The following TMEM98 variants were observed in gnomAD, a reference collection of about 807,000 sequenced individuals.
TMEM98 encodes transmembrane protein 98.
Under a neutral mutation model 25.0 loss-of-function variants are expected in TMEM98, and 18 were observed. The ratio of observed to expected loss-of-function variants is 0.72; its 90% CI spans 0.50 to 1.07. The LOEUF is 1.07. TMEM98 is among the 50% of genes least tolerant of loss of function. TMEM98 has a pLI of 0.00. For missense variants in TMEM98, 241 were observed against 289.0 expected (o/e 0.83, Z 1.20); for synonymous variants, 103 against 112.4 (o/e 0.92, Z 0.53).
chr17:32,936,221 T>A (rs192406760), intron 5 of TMEM98, 111 bp from the exon 6 acceptor site: 70,723 of 803,042 alleles, frequency 0.088, 3,611 homozygotes, highest in Non-Finnish European at 0.093. Context: ...GCCATTAGGT[T>A]GGGGGCCAGC....
intron 6 of TMEM98, among the ~76,000 whole-genome samples, chr17:32,938,648 A>G (rs2091510639): frequency 6.6e-6 from 1 of 152,178 alleles, no homozygotes; most frequent in South Asian, 2.1e-4. Flanking sequence ...GGTGTCTTAC[A>G]TACCTTTAGC....
chr17:32,931,713 A>G, intron 3 of TMEM98, 54 bp downstream of exon 3: 1 of 1,568,630 alleles, frequency 6.4e-7, no homozygotes. Flanking sequence ...CTAAAGAAAA[A>G]GAGAGGAACA....
At chr17:32,928,994 ACT>A (rs1208033578) in intron 1 of TMEM98, among the ~76,000 whole-genome samples, 1 of 151,286 alleles carries the variant, frequency 6.6e-6, no homozygotes, top group South Asian at 2.1e-4. Flanking sequence ...AACAGTTCAC[ACT>A]CGCTCAGAAG....
intron 4 of TMEM98, 22 bp downstream of exon 4, chr17:32,933,327 G>C (rs1052475872): frequency 4.3e-6 from 7 of 1,613,644 alleles, no homozygotes; most frequent in Non-Finnish European, 5.9e-6. Flanking sequence ...GGAACTGTTT[G>C]CTTCCGGGCT....
chr17:32,933,422 C>T, intron 4 of TMEM98, 117 bp downstream of exon 4: 4 of 1,391,614 alleles, frequency 2.9e-6, no homozygotes, highest in Non-Finnish European at 4.0e-6. Flanking sequence ...ACTTGCTGCT[C>T]TTTCCTGTGC....
At chr17:32,939,107 A>G (rs2091513223) in intron 6 of TMEM98, among the ~76,000 whole-genome samples, 1 of 152,162 alleles carries the variant, frequency 6.6e-6, no homozygotes, top group Admixed American at 6.5e-5. Context: ...TGGAATAAAG[A>G]TAGAAAGGAA....
At chr17:32,936,479 C>A (rs763502643) in intron 6 of TMEM98, 32 bp downstream of exon 6, 3 of 1,584,754 alleles carry the variant, frequency 1.9e-6, no homozygotes, top group Admixed American at 1.7e-5. Flanking sequence ...GGTCCCCACA[C>A]TCCCTGAGGG....
chr17:32,929,308 TCAGCTCACA>T (rs2091453158), intron 1 of TMEM98, among the ~76,000 whole-genome samples: 1 of 151,028 alleles, frequency 6.6e-6, no homozygotes, highest in Non-Finnish European at 1.5e-5. Context: ...AGAAGCACAC[TCAGCTCACA>T]CACACCCAGA....
At position 32,943,590 on chromosome 17, in the gene TMEM98, G is replaced by A. The variant is rs548758362; in HGVS notation, c.*2597G>A. On this transcript the variant is annotated 3_prime_UTR_variant, in exon 8 of 8. Transcript: ENST00000579849. ...CTTGGAGATAGAGATTCAATGTGAAGAGAACAAGATATTTGAAGTCAGAAT... is the reference window on the plus strand; with the variant it reads ...CTTGGAGATAGAGATTCAATGTGAAAAGAACAAGATATTTGAAGTCAGAAT... 1 of 152,332 alleles carries A rather than the reference G, an allele frequency of 6.6e-6. No homozygotes were observed. The highest frequency in any genetic ancestry group is 2.1e-4 in the South Asian group (1 of 4,830). 9.4% of individuals were successfully genotyped at this position (152,332 alleles called of 1,614,324 possible). A position where few individuals can be genotyped will look rare whatever the true frequency, so the allele number is the denominator to read the frequency against.
chr17:32,937,307 T>A (rs1158080205), intron 6 of TMEM98, among the ~76,000 whole-genome samples: 2 of 152,092 alleles, frequency 1.3e-5, no homozygotes, highest in Non-Finnish European at 2.9e-5. Flanking sequence ...CAGCCCTTTC[T>A]CTGCCTCAAG....
intron 3 of TMEM98, among the ~76,000 whole-genome samples, chr17:32,932,201 A>C (rs992622640): frequency 6.6e-6 from 1 of 151,352 alleles, no homozygotes; most frequent in African/African-American, 2.4e-5. Context: ...CCCGGGTTCA[A>C]GTGATTCTCC....
chr17:32,939,840 T>G (rs986698482), intron 7 of TMEM98, among the ~76,000 whole-genome samples: 3 of 152,118 alleles, frequency 2.0e-5, no homozygotes, highest in African/African-American at 7.2e-5. Context: ...CCTTTCCCCC[T>G]CTGATTTTTG....
chr17:32,935,503 G>A (rs890739619), intron 5 of TMEM98, among the ~76,000 whole-genome samples: 5 of 152,120 alleles, frequency 3.3e-5, no homozygotes, highest in African/African-American at 7.2e-5. Context: ...AAAGGAGAGG[G>A]CTTCTAAGTC....
At chr17:32,938,834 T>G (rs1176320827) in intron 6 of TMEM98, among the ~76,000 whole-genome samples, 1 of 152,246 alleles carries the variant, frequency 6.6e-6, no homozygotes, top group African/African-American at 2.4e-5. Flanking sequence ...CTTTTGTTTA[T>G]CTATTTTTAT....
chr17:32,936,818 C>T (rs1156493180), intron 6 of TMEM98, among the ~76,000 whole-genome samples: 1 of 152,224 alleles, frequency 6.6e-6, no homozygotes, highest in African/African-American at 2.4e-5. Context: ...CACAGATGCC[C>T]ACACCCCTGT....
In TMEM98 at chr17:32,931,395, TC is replaced by T; in HGVS notation, c.-60del. On this transcript the variant is annotated 5_prime_UTR_variant, in exon 2 of 8. Coordinates refer to ENST00000579849, the MANE Select transcript of TMEM98 (RefSeq NM_015544.3). ...CCATCCTCTTCCCCAATTTGCCACT[TC>T]CAGCAGGTAAGACCCACCTGTCCCA... The T allele has an allele frequency of 7.7e-7, 1 of 1,292,682 alleles. No homozygotes were observed. Among genetic ancestry groups the T allele is most frequent in the South Asian group, 1.6e-5 (1 of 63,774 alleles). The allele number at this position is 1,292,682 out of a possible 1,614,324, so 80.1% of individuals were successfully genotyped here.
intron 3 of TMEM98, 42 bp downstream of exon 3, chr17:32,931,701 A>T: frequency 1.3e-6 from 2 of 1,581,760 alleles, no homozygotes; most frequent in Non-Finnish European, 1.7e-6. Context: ...GGTGGGCTCT[A>T]ACTAAAGAAA....
intron 4 of TMEM98, 67 bp from the exon 5 acceptor site, chr17:32,934,224 A>C: frequency 6.3e-7 from 1 of 1,585,392 alleles, no homozygotes; most frequent in Non-Finnish European, 8.7e-7. Flanking sequence ...TTGAGAAGCA[A>C]GGGTGGGAGC....
intron 6 of TMEM98, among the ~76,000 whole-genome samples, chr17:32,939,115 GA>G (rs1005588463): frequency 6.6e-6 from 1 of 152,046 alleles, no homozygotes; most frequent in Non-Finnish European, 1.5e-5. Flanking sequence ...AGATAGAAAG[GA>G]AGGAAGGGGC....
Sources: allele counts gnomAD v4.1 joint callset (sites outside exome capture counted in the v4.1 genomes callset), GRCh38; gene constraint gnomAD v4.1.1; transcripts MANE v1.5; gene names NCBI Gene and HGNC (gene_info 2026-07-23, HGNC 2026-07-21).